Variants in SMYD3 observed in about 807,000 individuals in gnomAD.
SMYD3 encodes the protein histone-lysine N-methyltransferase SMYD3.
In SMYD3, 36 loss-of-function variants were observed where a neutral mutation model predicts 57.7. The observed-to-expected ratio is 0.62, with a 90% CI of 0.48 to 0.82. The LOEUF (loss-of-function observed/expected upper bound fraction) is 0.82. Ranked by LOEUF, SMYD3 falls within the 40% of genes least tolerant of loss-of-function variation. The pLI is 0.00. For synonymous variants in SMYD3, 211 were observed against 195.0 expected (o/e 1.08, Z -0.68); for missense variants, 515 against 538.8 (o/e 0.96, Z 0.44).
intron 5 of SMYD3, among the ~76,000 whole-genome samples, chr1:246,217,934 C>T (rs189984392): frequency 6.6e-6 from 1 of 151,956 alleles, no homozygotes; most frequent in East Asian, 1.9e-4. Flanking sequence ...AGTTATATAT[C>T]CAAGAAAAAC....
chr1:246,112,954 G>A (rs1166094713), intron 5 of SMYD3, among the ~76,000 whole-genome samples: 1 of 152,116 alleles, frequency 6.6e-6, no homozygotes, highest in Non-Finnish European at 1.5e-5. Context: ...GGCTGTGGCA[G>A]GCGGATCATG....
intron 5 of SMYD3, among the ~76,000 whole-genome samples, chr1:246,284,461 G>A (rs1236229596): frequency 6.7e-6 from 1 of 149,194 alleles, no homozygotes; most frequent in Non-Finnish European, 1.5e-5. Flanking sequence ...CTTTCGCCCA[G>A]ACCAGACTGC....
At chr1:246,501,683 G>A (rs1027696777) in intron 1 of SMYD3, among the ~76,000 whole-genome samples, 12 of 151,994 alleles carry the variant, frequency 7.9e-5, no homozygotes, top group South Asian at 2.1e-4. Context: ...CCCTCTCTCC[G>A]TCCATCATGC....
At chr1:246,440,386 A>C (rs2067444243) in intron 1 of SMYD3, among the ~76,000 whole-genome samples, 1 of 152,156 alleles carries the variant, frequency 6.6e-6, no homozygotes, top group African/African-American at 2.4e-5. Context: ...CACTTTGCAG[A>C]AGTTATTTCA....
At chr1:245,911,139 G>C (rs558279163) in intron 8 of SMYD3, among the ~76,000 whole-genome samples, 3 of 152,176 alleles carry the variant, frequency 2.0e-5, no homozygotes, top group East Asian at 1.9e-4. Context: ...TTAATGGTCA[G>C]GGAAATGCAA....
chr1:246,458,759 C>T (rs1043920536), intron 1 of SMYD3, among the ~76,000 whole-genome samples: 16 of 151,850 alleles, frequency 1.1e-4, no homozygotes, highest in African/African-American at 3.6e-4. Flanking sequence ...AGCCACCGCG[C>T]CCGGCCGGAA....
chr1:245,785,924 C>G (rs1038924691), intron 10 of SMYD3, among the ~76,000 whole-genome samples: 4 of 151,786 alleles, frequency 2.6e-5, no homozygotes, highest in African/African-American at 9.7e-5. Context: ...AGGCTGGTCT[C>G]AAATTCCTGG....
chr1:246,009,669 A>G (rs912191673), intron 5 of SMYD3, among the ~76,000 whole-genome samples: 3 of 152,132 alleles, frequency 2.0e-5, no homozygotes, highest in Non-Finnish European at 2.9e-5. Context: ...CTCTCCAATC[A>G]GGTCTTAGTA....
chr1:246,082,059 C>T (rs1454942875), intron 5 of SMYD3, among the ~76,000 whole-genome samples: 2 of 152,200 alleles, frequency 1.3e-5, no homozygotes, highest in Non-Finnish European at 2.9e-5. Flanking sequence ...CACAGGCTGG[C>T]TGCCCTTGCT....
chr1:246,113,047 T>C (rs965577892), intron 5 of SMYD3, among the ~76,000 whole-genome samples: 1 of 151,926 alleles, frequency 6.6e-6, no homozygotes, highest in East Asian at 1.9e-4. Flanking sequence ...CCAGGTGTGG[T>C]GGTATGAGCC....
In SMYD3 at chr1:246,411,468, T is replaced by G. The variant is rs566998897; in HGVS notation, c.165-56374A>C. ...AATACCATTTGACCCAGCCATCCCA[T>G]TACTGGGTATATACCCAAAGGATTA... On this transcript the variant is annotated intron_variant, in intron 1 of 11. Transcript: ENST00000490107. Among the ~76,000 whole-genome samples, 917 of 152,270 alleles carry G rather than the reference T, an allele frequency of 6.0e-3. 10 individuals carry two copies. Among genetic ancestry groups the G allele is most frequent in the African/African-American group, 0.021 (876 of 41,554 alleles).
intron 8 of SMYD3, among the ~76,000 whole-genome samples, chr1:245,867,814 T>C (rs1376397542): frequency 6.6e-6 from 1 of 152,122 alleles, no homozygotes; most frequent in Non-Finnish European, 1.5e-5. Context: ...GTAAAGCTCA[T>C]TTAAAGGAGG....
At chr1:245,749,752 T>C in intron 11 of SMYD3, 88 bp from the exon 12 acceptor site, 1 of 966,920 alleles carries the variant, frequency 1.0e-6, no homozygotes, top group Non-Finnish European at 1.6e-6. Flanking sequence ...GCCAGGGGCC[T>C]GGTGAACCCC....
At chr1:246,499,736 G>A (rs1221461861) in intron 1 of SMYD3, among the ~76,000 whole-genome samples, 1 of 152,162 alleles carries the variant, frequency 6.6e-6, no homozygotes, top group Admixed American at 6.5e-5. Flanking sequence ...AATTACAGGT[G>A]TGAGCCACCA....
chr1:246,269,996 G>T (rs917053276), intron 5 of SMYD3, among the ~76,000 whole-genome samples: 8 of 152,086 alleles, frequency 5.3e-5, no homozygotes, highest in African/African-American at 1.9e-4. Flanking sequence ...TACTCAAGTT[G>T]GTTAATTTGA....
chr1:245,832,352 C>G (rs1197785234), intron 10 of SMYD3, among the ~76,000 whole-genome samples: 2 of 152,196 alleles, frequency 1.3e-5, no homozygotes, highest in African/African-American at 2.4e-5. Context: ...CAATCTTTCC[C>G]AAAGTGTGTT....
At chr1:246,146,273 C>T (rs534502912) in intron 5 of SMYD3, among the ~76,000 whole-genome samples, 6 of 152,154 alleles carry the variant, frequency 3.9e-5, no homozygotes, top group Non-Finnish European at 8.8e-5. Flanking sequence ...CAGCTTATGA[C>T]CTTTTCTTAA....
Position 245,791,593 on chromosome 1 carries a change from G to A in SMYD3, c.1077-27444C>T, listed in dbSNP as rs1367595461. On this transcript the variant is annotated intron_variant, in intron 10 of 11. Coordinates refer to ENST00000490107, the MANE Select transcript of SMYD3 (RefSeq NM_001167740.2). ...TTTATCTACCTCTTAGGAAAGGAAT[G>A]GGGGGAGAGGACGGGAGAAAGAGAG... 5.6e-5 allele frequency among the ~76,000 whole-genome samples: 8 copies of A among 143,390 alleles called. No homozygotes were observed. The South Asian group carries it at 2.0e-3, about 36-fold the overall frequency. The allele number at this position is 143,390 out of a possible 152,430, so 94.1% of individuals were successfully genotyped here.
At chr1:246,408,827 A>C (rs1316490768) in intron 1 of SMYD3, among the ~76,000 whole-genome samples, 1 of 151,598 alleles carries the variant, frequency 6.6e-6, no homozygotes, top group East Asian at 1.9e-4. Flanking sequence ...CTGCCACCAC[A>C]CCTGGCTAAT....
Sources: gnomAD v4.1 joint callset for allele counts (sites outside exome capture counted in the v4.1 genomes callset) on GRCh38, gnomAD v4.1.1 for gene constraint, MANE v1.5 for transcripts, NCBI Gene and HGNC (gene_info 2026-07-23, HGNC 2026-07-21) for gene names.